Variants in LRIF1 observed in about 807,000 individuals in gnomAD.
LRIF1 encodes the protein ligand-dependent nuclear receptor-interacting factor 1.
In LRIF1, 32 loss-of-function variants were observed where a neutral mutation model predicts 52.7. The ratio of observed to expected loss-of-function variants is 0.61; its 90% CI spans 0.46 to 0.82. The LOEUF is 0.82. Ranked by LOEUF, LRIF1 falls within the 40% of genes least tolerant of loss-of-function variation. The probability of loss-of-function intolerance (pLI) is 0.00; values close to 1 mark genes in which losing one functional copy is unlikely to be tolerated. For missense variants in LRIF1, 887 were observed against 892.0 expected (o/e 0.99, Z 0.07); for synonymous variants, 323 against 317.4 (o/e 1.02, Z -0.19).
chr1:110,963,426 G>C (rs1659049137), intron 1 of LRIF1, 195 bp downstream of exon 1: 2 of 431,018 alleles, frequency 4.6e-6, no homozygotes, highest in Non-Finnish European at 4.3e-6. Flanking sequence ...AGGCTCTAAA[G>C]AGGTTTTACA....
At chr1:110,919,632 C>A in the LRIF1 span, among the ~76,000 whole-genome samples, 1 of 152,132 alleles carries the variant, frequency 6.6e-6, no homozygotes, top group African/African-American at 2.4e-5. Flanking sequence ...GGTAAATTGG[C>A]TAAACTTTTC....
chr1:110,910,684 A>C, the LRIF1 span, among the ~76,000 whole-genome samples: 2 of 152,210 alleles, frequency 1.3e-5, no homozygotes, highest in Non-Finnish European at 2.9e-5. Flanking sequence ...AAATAGAAAT[A>C]AATACCAAGA....
the LRIF1 span, among the ~76,000 whole-genome samples, chr1:110,925,937 T>C: frequency 6.6e-6 from 1 of 151,802 alleles, no homozygotes; most frequent in East Asian, 1.9e-4. Context: ...ATCAAGCAAA[T>C]AAAAGAATAA....
chr1:110,887,095 G>A, the LRIF1 span, among the ~76,000 whole-genome samples: 11 of 106,632 alleles, frequency 1.0e-4, no homozygotes, highest in South Asian at 8.5e-4. Flanking sequence ...ACGGAGTCTC[G>A]CTCTGTCACC....
chr1:110,934,068 A>G, the LRIF1 span, among the ~76,000 whole-genome samples: 1 of 152,156 alleles, frequency 6.6e-6, no homozygotes, highest in South Asian at 2.1e-4. Flanking sequence ...CTCCTGGATG[A>G]CATTTCTAAA....
the LRIF1 span, among the ~76,000 whole-genome samples, chr1:110,888,324 A>G: frequency 6.6e-6 from 1 of 152,166 alleles, no homozygotes; most frequent in Non-Finnish European, 1.5e-5. Context: ...TCTTTTGTAC[A>G]TTGCGGTGTC....
the LRIF1 span, chr1:110,892,599 G>T: frequency 7.7e-7 from 1 of 1,305,150 alleles, no homozygotes; most frequent in African/African-American, 1.5e-5. Context: ...CAGGCAAGAT[G>T]TTTCTTGGTA....
At chr1:110,892,579 G>T in the LRIF1 span, 1 of 1,460,302 alleles carries the variant, frequency 6.8e-7, no homozygotes, top group Non-Finnish European at 9.5e-7. Flanking sequence ...GGGAGATGGT[G>T]CCTAAATCCC....
downstream of LRIF1, among the ~76,000 whole-genome samples, chr1:110,945,763 C>G (rs1557835133): frequency 6.6e-6 from 1 of 152,122 alleles, no homozygotes; most frequent in East Asian, 1.9e-4. Flanking sequence ...GTTTCTATGA[C>G]AGAATGTTTC....
the LRIF1 span, chr1:110,939,321 T>G: frequency 5.9e-5 from 8 of 136,626 alleles, no homozygotes; most frequent in Non-Finnish European, 9.1e-5. Flanking sequence ...GAGCTTGCAG[T>G]GAGCCGAGAT....
At chr1:110,880,173 C>T in the LRIF1 span, 10 of 152,092 alleles carry the variant, frequency 6.6e-5, no homozygotes, top group African/African-American at 2.4e-4. Flanking sequence ...GAGTCATAGA[C>T]TTTGACTGTG....
chr1:110,951,718 G>C lies in LRIF1; in HGVS notation c.1166C>G (p.Thr389Ser). The C allele has an allele frequency of 1.2e-6, 2 of 1,613,886 alleles. No homozygotes were observed. Among genetic ancestry groups the C allele is most frequent in the Non-Finnish European group, 1.7e-6 (2 of 1,180,010 alleles). The change falls in exon 2 of 4, where the codon ACT becomes AGT. Residue 389 changes from threonine (T) to serine (S), a missense_variant. By Grantham distance (58) the Thr-to-Ser change is moderately conservative. Coordinates refer to ENST00000369763, the MANE Select transcript of LRIF1 (RefSeq NM_018372.4). ...CTGTAACGTGTCTTTTCTTACTGGA[G>C]TATCAGGAGAAACAGAATTCTGTTG... ...IDQQNSVSPD[T>S]PVRKDTLQTV... is the part of the protein sequence containing the mutation.
the LRIF1 span, among the ~76,000 whole-genome samples, chr1:110,930,162 T>G: frequency 6.6e-6 from 1 of 152,112 alleles, no homozygotes; most frequent in Non-Finnish European, 1.5e-5. Context: ...TTTTCCTTTC[T>G]TAGTCATTTC....
chr1:110,877,290 G>T, the LRIF1 span, among the ~76,000 whole-genome samples: 1 of 152,094 alleles, frequency 6.6e-6, no homozygotes, highest in African/African-American at 2.4e-5. Context: ...TTTTTGATAG[G>T]AATACCAACA....
At chr1:110,901,516 G>A in the LRIF1 span, among the ~76,000 whole-genome samples, 2 of 136,440 alleles carry the variant, frequency 1.5e-5, no homozygotes, top group African/African-American at 2.7e-5. Flanking sequence ...CTCACTCTGT[G>A]GCCAGGCTGG....
At chr1:110,905,317 A>G in the LRIF1 span, among the ~76,000 whole-genome samples, 1 of 152,150 alleles carries the variant, frequency 6.6e-6, no homozygotes, top group Admixed American at 6.5e-5. Flanking sequence ...TAATCCAAAG[A>G]AGACTACCTC....
At chr1:110,958,438 AATCT>A (rs1462988754) in intron 1 of LRIF1, among the ~76,000 whole-genome samples, 1 of 134,542 alleles carries the variant, frequency 7.4e-6, no homozygotes, top group Non-Finnish European at 1.6e-5. Flanking sequence ...TATTGACTTT[AATCT>A]ATTAGCTAAT....
chr1:110,914,932 A>G, the LRIF1 span, among the ~76,000 whole-genome samples: 3 of 152,280 alleles, frequency 2.0e-5, no homozygotes, highest in East Asian at 5.8e-4. Flanking sequence ...ATATGACCCA[A>G]CAATTCCATT....
chr1:110,903,996 T>C, the LRIF1 span, among the ~76,000 whole-genome samples: 5 of 152,270 alleles, frequency 3.3e-5, no homozygotes, highest in African/African-American at 1.2e-4. Flanking sequence ...CTGGCAGTAC[T>C]CCCTATGGCT....
Sources: allele counts gnomAD v4.1 joint callset (sites outside exome capture counted in the v4.1 genomes callset), GRCh38; gene constraint gnomAD v4.1.1; transcripts MANE v1.5; gene names NCBI Gene and HGNC (gene_info 2026-07-23, HGNC 2026-07-21).